Variants in LRP5 observed in about 807,000 individuals in gnomAD.
LRP5 encodes the protein LDL receptor related protein 5.
LRP5 carries 62 observed loss-of-function variants against 154.1 expected under a neutral mutation model. The observed-to-expected ratio is 0.40, with a 90% CI of 0.33 to 0.50. The LOEUF is 0.50. Ranked by LOEUF, LRP5 falls within the 20% of genes least tolerant of loss-of-function variation. The pLI is 0.55. For synonymous variants in LRP5, 966 were observed against 1,011.5 expected (o/e 0.96, Z 0.85); for missense variants, 1,915 against 2,336.7 (o/e 0.82, Z 3.72).
chr11:68,303,117 TAA>T, the LRP5 span, among the ~76,000 whole-genome samples: 1 of 152,252 alleles, frequency 6.6e-6, no homozygotes, highest in Non-Finnish European at 1.5e-5. Flanking sequence ...TAAATAAACT[TAA>T]GTTATTTATG....
At chr11:68,362,808 C>G (rs2098628805) in intron 3 of LRP5, among the ~76,000 whole-genome samples, 1 of 152,238 alleles carries the variant, frequency 6.6e-6, no homozygotes, top group Non-Finnish European at 1.5e-5. Flanking sequence ...GCCCACAGCT[C>G]CCATCTTCCC....
At position 68,449,020 on chromosome 11, in the gene LRP5, T is replaced by A; in HGVS notation, c.4798T>A (p.Tyr1600Asn). 1 of 1,593,766 alleles carries A rather than the reference T, an allele frequency of 6.3e-7. No individual in the cohort carries two copies. The highest frequency in any genetic ancestry group is 8.5e-7 in the Non-Finnish European group (1 of 1,173,686). ...CPPSPATERS[Y>N]FHLFPPPPSP... ...GCCCTCGCCCGCCACCGAGAGGAGC[T>A]ACTTCCATCTCTTCCCGCCCCCTCC... The change falls in exon 23 of 23, where the codon TAC (tyrosine) becomes AAC (asparagine). Residue 1600 changes from tyrosine to asparagine, a missense_variant. Physicochemically the swap from Tyr to Asn is moderately radical, Grantham distance 143 (BLOSUM62 -2). Transcript: ENST00000294304.
chr11:68,308,593 C>G (rs1036227575), upstream of LRP5, among the ~76,000 whole-genome samples: 4 of 152,152 alleles, frequency 2.6e-5, no homozygotes, highest in Non-Finnish European at 5.9e-5. Context: ...CTAAAAATGA[C>G]TGTCCTTGGG....
intron 6 of LRP5, among the ~76,000 whole-genome samples, 199 bp from the exon 7 acceptor site, chr11:68,389,682 A>T (rs2098645263): frequency 6.7e-6 from 1 of 150,058 alleles, no homozygotes; most frequent in African/African-American, 2.4e-5. Context: ...ATATTTACCA[A>T]CGCCAGCATC....
chr11:68,397,972 TTGTGTGTGTGTGTGTG>T (rs113280059), intron 7 of LRP5, among the ~76,000 whole-genome samples: 1 of 142,092 alleles, frequency 7.0e-6, no homozygotes, highest in Non-Finnish European at 1.5e-5. Flanking sequence ...CTGTGTGTGT[TTGTGTGTGTGTGTGTG>T]TGTGTGTGTG....
intron 21 of LRP5, among the ~76,000 whole-genome samples, chr11:68,444,238 G>A (rs2098680236): frequency 6.6e-6 from 1 of 152,134 alleles, no homozygotes; most frequent in Non-Finnish European, 1.5e-5. Flanking sequence ...GAATAGGCCA[G>A]GCATGGTGGC....
intron 6 of LRP5, among the ~76,000 whole-genome samples, chr11:68,388,270 G>A (rs1476460979): frequency 6.6e-6 from 1 of 152,026 alleles, no homozygotes; most frequent in Non-Finnish European, 1.5e-5. Flanking sequence ...AAGGGAACAC[G>A]GCCCTGAGGT....
chr11:68,448,470 T>C (rs936366445), intron 22 of LRP5, among the ~76,000 whole-genome samples: 1 of 152,202 alleles, frequency 6.6e-6, no homozygotes, highest in African/African-American at 2.4e-5. Flanking sequence ...CTTTTATCAA[T>C]GAGAAACTAA....
At position 68,338,743 on chromosome 11, in the gene LRP5, A is replaced by C. The variant is rs113721538; in HGVS notation, c.92-9104A>C. On this transcript the variant is annotated intron_variant, in intron 1 of 22. Transcript: ENST00000294304. ...ACCAACTGGGAATCCAGGCAAAAGA[A>C]GACGTTCCCAGGGGAAGCCAGCCTG... Among the ~76,000 whole-genome samples, 85 of 152,304 alleles carry C rather than the reference A, an allele frequency of 5.6e-4. No individual in the cohort carries two copies. In the South Asian group the frequency reaches 7.2e-3, roughly 13 times the overall value.
At chr11:68,389,616 C>CGACACTGACATTTACT (rs1163903228) in intron 6 of LRP5, among the ~76,000 whole-genome samples, 6 of 152,296 alleles carry the variant, frequency 3.9e-5, no homozygotes, top group Admixed American at 1.3e-4. Flanking sequence ...CGACATTTAC[C>CGACACTGACATTTACT]GACACTGACA....
chr11:68,421,159 G>A (rs895417408), intron 13 of LRP5, among the ~76,000 whole-genome samples: 36 of 152,082 alleles, frequency 2.4e-4, no homozygotes, highest in Non-Finnish European at 4.9e-4. Context: ...CCCGGGAGGC[G>A]GAGCTTGCGG....
intron 1 of LRP5, among the ~76,000 whole-genome samples, chr11:68,325,650 G>A (rs566320765): frequency 2.6e-5 from 4 of 152,234 alleles, no homozygotes; most frequent in African/African-American, 4.8e-5. Context: ...AGCTGCAGGT[G>A]CAGGGTCGGG....
chr11:68,352,959 C>A (rs1408976588), intron 2 of LRP5, among the ~76,000 whole-genome samples: 1 of 151,476 alleles, frequency 6.6e-6, no homozygotes, highest in Non-Finnish European at 1.5e-5. Flanking sequence ...TTGAGAGGTG[C>A]TAGGTGCTTG....
At chr11:68,401,181 C>T (rs1442225702) in intron 7 of LRP5, among the ~76,000 whole-genome samples, 1 of 152,178 alleles carries the variant, frequency 6.6e-6, no homozygotes, top group Non-Finnish European at 1.5e-5. Flanking sequence ...GGGCCAACCC[C>T]TCAGATGTTT....
At chr11:68,312,108 C>T (rs773743272), upstream of LRP5, among the ~76,000 whole-genome samples, 7 of 152,230 alleles carry the variant, frequency 4.6e-5, no homozygotes, top group Non-Finnish European at 7.3e-5. Context: ...AGAGGGTACA[C>T]ATTTAGTTTA....
chr11:68,314,773 C>A (rs752382800), intron 1 of LRP5, among the ~76,000 whole-genome samples: 8 of 152,228 alleles, frequency 5.3e-5, no homozygotes, highest in Non-Finnish European at 1.0e-4. Flanking sequence ...TCTGGGAGAG[C>A]CCAGAAGGGC....
intron 6 of LRP5, among the ~76,000 whole-genome samples, chr11:68,388,255 C>T (rs2153154178): frequency 6.6e-6 from 1 of 152,124 alleles, no homozygotes; most frequent in South Asian, 2.1e-4. Flanking sequence ...TTGCCAGCTA[C>T]AGTGAAGGGA....
intron 16 of LRP5, among the ~76,000 whole-genome samples, chr11:68,426,612 G>A (rs531611538): frequency 5.9e-5 from 9 of 151,582 alleles, no homozygotes; most frequent in African/African-American, 1.7e-4. Context: ...TTGTAGAGAC[G>A]GGGTTTCCCC....
Position 68,363,921 on chromosome 11 carries a change from G to A in LRP5, c.861G>A (p.Leu287=), listed in dbSNP as rs1215389082. The A allele has an allele frequency of 6.2e-7, 1 of 1,611,190 alleles. No homozygotes were observed. The highest frequency in any genetic ancestry group is 8.5e-7 in the Non-Finnish European group (1 of 1,179,080). Residue 287 remains leucine (L), a synonymous_variant, in exon 4 of 23, where the codon CTG becomes CTA. Coordinates refer to ENST00000294304, the MANE Select transcript of LRP5 (RefSeq NM_002335.4). ...ALYSPMDIQV[L]SQERQPFFHT... ...ACTCACCCATGGACATCCAGGTGCT[G>A]AGCCAGGAGCGGCAGCCTTTCTGTG...
Sources: gnomAD v4.1 joint callset for allele counts (sites outside exome capture counted in the v4.1 genomes callset) on GRCh38, gnomAD v4.1.1 for gene constraint, MANE v1.5 for transcripts, NCBI Gene and HGNC (gene_info 2026-07-23, HGNC 2026-07-21) for gene names.